BMPR1B: variants seen among roughly 807,000 people sequenced by gnomAD.
BMPR1B encodes bone morphogenetic protein receptor type 1B, also known as bone morphogenetic protein receptor type-1B.
A neutral mutation model predicts 59.1 loss-of-function variants in BMPR1B; 12 were observed. The observed-to-expected ratio is 0.20, with a 90% CI of 0.13 to 0.33. The LOEUF (loss-of-function observed/expected upper bound fraction) is 0.33. BMPR1B is among the 10% of genes least tolerant of loss of function. BMPR1B has a pLI of 1.00. For synonymous variants in BMPR1B, 237 were observed against 207.3 expected, an observed-to-expected ratio of 1.14 and a Z score of -1.23; for missense variants, 550 against 610.9, an observed-to-expected ratio of 0.90 and a Z score of 1.05.
At chr4:94,859,946 T>C (rs553713000) in intron 1 of BMPR1B, among the ~76,000 whole-genome samples, 1 of 152,274 alleles carries the variant, frequency 6.6e-6, no homozygotes, top group East Asian at 1.9e-4. Flanking sequence ...AGTTAATGAT[T>C]TGCATTGTGA....
At chr4:94,827,332 T>G (rs1724419536) in intron 1 of BMPR1B, among the ~76,000 whole-genome samples, 1 of 152,204 alleles carries the variant, frequency 6.6e-6, no homozygotes, top group Non-Finnish European at 1.5e-5. Context: ...GTATATATAC[T>G]TTGTTTATAA....
At chr4:94,785,127 C>T (rs952453275) in intron 1 of BMPR1B, among the ~76,000 whole-genome samples, 1 of 152,172 alleles carries the variant, frequency 6.6e-6, no homozygotes, top group Non-Finnish European at 1.5e-5. Flanking sequence ...TGTAGCTTAC[C>T]GCGATTTCTT....
Position 95,031,442 on chromosome 4 carries a change from A to T in BMPR1B, c.-18+35308A>T, listed in dbSNP as rs531632238. 2.6e-5 allele frequency among the ~76,000 whole-genome samples: 4 copies of T among 152,182 alleles called. No homozygotes were observed. In the South Asian group the frequency reaches 8.3e-4, roughly 32 times the overall value. On this transcript the variant is annotated intron_variant, in intron 3 of 12. Transcript: ENST00000515059. ...GGATCACATACAGAGAATATTATGG[A>T]TGGATTGCAGATATATTTTTTTTGA...
Position 95,093,719 on chromosome 4 carries a change from C to G in BMPR1B, c.-17-10689C>G, listed in dbSNP as rs562831991. Among the ~76,000 whole-genome samples, 7 of 152,030 alleles carry G rather than the reference C, an allele frequency of 4.6e-5. No homozygotes were observed. In the East Asian group the frequency reaches 1.4e-3, roughly 29 times the overall value. The stretch of plus-strand genomic sequence containing the variant: ...TTGAAAACATGATTATCCATCATAA[C>G]CCGGGTGATGTGTAATGTCGATGTG... On this transcript the variant is annotated intron_variant, in intron 3 of 12. Transcript: ENST00000515059.
chr4:95,145,595 C>A (rs1402704497), intron 10 of BMPR1B, among the ~76,000 whole-genome samples: 1 of 152,190 alleles, frequency 6.6e-6, no homozygotes, highest in Non-Finnish European at 1.5e-5. Flanking sequence ...AGGATTAACA[C>A]AAGCTTGATT....
intron 1 of BMPR1B, among the ~76,000 whole-genome samples, chr4:94,782,941 C>T (rs1722637346): frequency 6.6e-6 from 1 of 152,138 alleles, no homozygotes; most frequent in Non-Finnish European, 1.5e-5. Flanking sequence ...CCCTCCACTC[C>T]TAATGCTTGT....
chr4:94,809,513 T>G (rs1723733914), intron 1 of BMPR1B, among the ~76,000 whole-genome samples: 1 of 152,248 alleles, frequency 6.6e-6, no homozygotes, highest in Admixed American at 6.5e-5. Flanking sequence ...CTGAGGATTA[T>G]GCCAACTGTT....
In BMPR1B at chr4:94,788,685, A is replaced by G. The variant is rs76797861; in HGVS notation, c.-183+30617A>G. Among the ~76,000 whole-genome samples, 1,010 of 152,310 alleles carry G rather than the reference A, an allele frequency of 6.6e-3. 8 individuals carry two copies. Among genetic ancestry groups the G allele is most frequent in the African/African-American group, 0.022 (931 of 41,562 alleles). ...CAAGTGCAATTCTTCACAACCATGA[A>G]GAACTGGACTTGTACCTCTTCTCTT... On this transcript the variant is annotated intron_variant, in intron 1 of 12. Transcript: ENST00000515059.
chr4:94,995,769 C>T (rs2149102676), intron 2 of BMPR1B: 1 of 152,276 alleles, frequency 6.6e-6, no homozygotes, highest in East Asian at 1.9e-4. Context: ...CACAGGGTTG[C>T]TGGGTAGTGA....
intron 3 of BMPR1B, among the ~76,000 whole-genome samples, chr4:95,045,761 T>C (rs1222587122): frequency 6.6e-6 from 1 of 152,206 alleles, no homozygotes; most frequent in Non-Finnish European, 1.5e-5. Context: ...TATGTTTGTC[T>C]TCACCCACTA....
intron 1 of BMPR1B, among the ~76,000 whole-genome samples, chr4:94,827,570 C>G (rs1042455159): frequency 1.8e-4 from 27 of 152,100 alleles, no homozygotes; most frequent in Non-Finnish European, 1.5e-4. Flanking sequence ...CCTTAGAGAG[C>G]TTACTTTAAA....
chr4:95,036,651 A>G (rs1441642743), intron 3 of BMPR1B, among the ~76,000 whole-genome samples: 2 of 149,196 alleles, frequency 1.3e-5, no homozygotes, highest in Non-Finnish European at 3.0e-5. Context: ...AATCTTGGCT[A>G]TCATGGCTGT....
chr4:94,865,180 T>C (rs1333837124), intron 1 of BMPR1B, among the ~76,000 whole-genome samples: 1 of 151,714 alleles, frequency 6.6e-6, no homozygotes, highest in African/African-American at 2.4e-5. Flanking sequence ...TGACTAATTT[T>C]GTATTTTCAG....
At chr4:94,988,071 G>C (rs1419874524) in intron 2 of BMPR1B, among the ~76,000 whole-genome samples, 1 of 152,046 alleles carries the variant, frequency 6.6e-6, no homozygotes, top group Non-Finnish European at 1.5e-5. Context: ...TTCCTTACCT[G>C]TAAGAAATCT....
intron 1 of BMPR1B, among the ~76,000 whole-genome samples, chr4:94,765,002 G>C (rs955209498): frequency 6.6e-6 from 1 of 152,070 alleles, no homozygotes; most frequent in African/African-American, 2.4e-5. Flanking sequence ...AGAGAGTAAC[G>C]GGGGGACTAT....
chr4:95,098,262 CCAGG>C (rs1730573584), intron 3 of BMPR1B, among the ~76,000 whole-genome samples: 1 of 152,078 alleles, frequency 6.6e-6, no homozygotes, highest in East Asian at 1.9e-4. Flanking sequence ...ATCATAATTA[CCAGG>C]CAAATTCATA....
intron 2 of BMPR1B, among the ~76,000 whole-genome samples, chr4:94,900,963 C>T (rs1412270420): frequency 6.6e-6 from 1 of 151,886 alleles, no homozygotes; most frequent in Non-Finnish European, 1.5e-5. Flanking sequence ...TGATGCTAAG[C>T]TTTGCACATC....
intron 2 of BMPR1B, among the ~76,000 whole-genome samples, chr4:94,919,500 G>A (rs1404678865): frequency 1.3e-5 from 2 of 152,050 alleles, no homozygotes; most frequent in South Asian, 2.1e-4. Context: ...TTAAAAACTG[G>A]ACGTTTTGAC....
intron 11 of BMPR1B, among the ~76,000 whole-genome samples, chr4:95,151,719 T>TCGTTA: frequency 6.6e-6 from 1 of 152,182 alleles, no homozygotes; most frequent in Admixed American, 6.5e-5. Flanking sequence ...ATGTGATATA[T>TCGTTA]AATCTGCCAA....
Sources: allele counts gnomAD v4.1 joint callset (sites outside exome capture counted in the v4.1 genomes callset), GRCh38; gene constraint gnomAD v4.1.1; transcripts MANE v1.5; gene names NCBI Gene and HGNC (gene_info 2026-07-23, HGNC 2026-07-21).